STAM2: variants seen among roughly 807,000 people sequenced by gnomAD.
The protein encoded by STAM2 is signal transducing adaptor molecule 2.
In STAM2, 51 loss-of-function variants were observed where a neutral mutation model predicts 65.6. That is an observed-to-expected ratio of 0.78 (90% confidence interval 0.62 to 0.98). The LOEUF is 0.98. Among genes scored for constraint, STAM2 ranks in the 50% least tolerant of loss-of-function variants. The pLI, the probability that STAM2 is intolerant of heterozygous loss-of-function variation, is 0.00. For synonymous variants in STAM2, 198 were observed against 208.4 expected (o/e 0.95, Z 0.43); for missense variants, 584 against 617.8 (o/e 0.95, Z 0.58).
intron 1 of STAM2, 85 bp from the exon 2 acceptor site, chr2:152,150,314 T>C: frequency 1.2e-6 from 1 of 832,602 alleles, no homozygotes; most frequent in Non-Finnish European, 1.9e-6. Flanking sequence ...AGTTAAGAAA[T>C]CCTACCTTTT....
chr2:152,136,351 G>A (rs1302166017), intron 7 of STAM2, among the ~76,000 whole-genome samples: 1 of 151,778 alleles, frequency 6.6e-6, no homozygotes, highest in East Asian at 2.0e-4. Flanking sequence ...GCTGACGCAG[G>A]AGAATCGCTT....
intron 1 of STAM2, among the ~76,000 whole-genome samples, chr2:152,165,081 G>A (rs1483012862): frequency 2.6e-5 from 4 of 152,076 alleles, no homozygotes; most frequent in African/African-American, 9.7e-5. Context: ...ATTGTAATAG[G>A]CCTATTAGGA....
intron 1 of STAM2, among the ~76,000 whole-genome samples, chr2:152,169,808 G>C (rs1386709923): frequency 6.6e-6 from 1 of 151,810 alleles, no homozygotes; most frequent in African/African-American, 2.4e-5. Flanking sequence ...ACTGCTGACA[G>C]GAGGGAAATC....
At chr2:152,127,556 C>A (rs1012556792) in intron 11 of STAM2, among the ~76,000 whole-genome samples, 1 of 151,196 alleles carries the variant, frequency 6.6e-6, no homozygotes, top group Non-Finnish European at 1.5e-5. Context: ...AAAAACCACA[C>A]ACACACATTT....
intron 1 of STAM2, among the ~76,000 whole-genome samples, chr2:152,161,883 C>T (rs1426729273): frequency 6.6e-6 from 1 of 151,824 alleles, no homozygotes; most frequent in Non-Finnish European, 1.5e-5. Flanking sequence ...AGTGAAATGG[C>T]ACGATCTTGG....
At chr2:152,125,673 T>C (rs1231243379) in intron 12 of STAM2, among the ~76,000 whole-genome samples, 1 of 152,228 alleles carries the variant, frequency 6.6e-6, no homozygotes, top group African/African-American at 2.4e-5. Flanking sequence ...ATCTTTGCTA[T>C]GCACAGATTT....
intron 8 of STAM2, among the ~76,000 whole-genome samples, chr2:152,135,302 G>A (rs1309638770): frequency 1.3e-5 from 2 of 152,220 alleles, no homozygotes; most frequent in Non-Finnish European, 2.9e-5. Flanking sequence ...CTCAGAGGAT[G>A]TAAAATAAGA....
chr2:152,170,831 G>A (rs962786876), intron 1 of STAM2, among the ~76,000 whole-genome samples: 1 of 152,088 alleles, frequency 6.6e-6, no homozygotes, highest in African/African-American at 2.4e-5. Flanking sequence ...TCCCATCTCT[G>A]CTAAAAAATG....
chr2:152,171,080 A>G (rs925420991), intron 1 of STAM2, among the ~76,000 whole-genome samples: 6 of 152,210 alleles, frequency 3.9e-5, no homozygotes, highest in African/African-American at 1.4e-4. Context: ...TCCAAACAAT[A>G]TATAGTATAT....
chr2:152,141,732 A>G (rs973337011), intron 7 of STAM2, among the ~76,000 whole-genome samples: 86 of 151,586 alleles, frequency 5.7e-4, no homozygotes, highest in African/African-American at 2.0e-3. Flanking sequence ...CTGGGACTAC[A>G]GGCGTGCGCC....
chr2:152,153,919 C>T (rs1039252741), intron 1 of STAM2, among the ~76,000 whole-genome samples: 6 of 150,232 alleles, frequency 4.0e-5, no homozygotes, highest in African/African-American at 7.4e-5. Flanking sequence ...CACACACACA[C>T]GCAAAAATAA....
At chr2:152,151,221 A>T (rs1366446102) in intron 1 of STAM2, among the ~76,000 whole-genome samples, 4 of 139,226 alleles carry the variant, frequency 2.9e-5, no homozygotes, top group African/African-American at 1.1e-4. Flanking sequence ...TCTGTTGCCC[A>T]GGCTGGCTGG....
intron 1 of STAM2, among the ~76,000 whole-genome samples, chr2:152,165,920 A>G (rs1689773702): frequency 6.6e-6 from 1 of 152,198 alleles, no homozygotes; most frequent in Non-Finnish European, 1.5e-5. Flanking sequence ...ACTACAATGA[A>G]GGCCGGGCAC....
At chr2:152,159,191 C>G (rs1689612540) in intron 1 of STAM2, among the ~76,000 whole-genome samples, 1 of 149,716 alleles carries the variant, frequency 6.7e-6, no homozygotes, top group Admixed American at 6.7e-5. Flanking sequence ...CTGTAGTCCC[C>G]ACTACTTGAG....
At chr2:152,157,149 G>A (rs959296034) in intron 1 of STAM2, among the ~76,000 whole-genome samples, 6 of 152,104 alleles carry the variant, frequency 3.9e-5, no homozygotes, top group Admixed American at 2.0e-4. Flanking sequence ...CAAGAAGAGC[G>A]AGAGATGGCG....
At position 152,130,725 on chromosome 2, in the gene STAM2, G is replaced by A. The variant is rs560354399; in HGVS notation, c.1025+1389C>T. 2.6e-5 allele frequency among the ~76,000 whole-genome samples: 4 copies of A among 151,670 alleles called. No homozygotes were observed. The South Asian group carries it at 8.3e-4, about 32-fold the overall frequency. ...AAAAAAGCTGGGCATAAGGCTGGGT[G>A]CAGTGGCTCACACCTGTAATCCCAA... is the stretch of plus-strand genomic sequence containing the variant. On this transcript the variant is annotated intron_variant, in intron 11 of 13. Coordinates refer to ENST00000263904, the MANE Select transcript of STAM2 (RefSeq NM_005843.6).
At position 152,126,262 on chromosome 2, in the gene STAM2, T is replaced by C; in HGVS notation, c.1143A>G (p.Ala381=). ...YSVYSKLHPP[A]HYPPASSGVP... is the part of the protein sequence containing the mutation. Reference sequence around the variant, plus strand: ...CCCCAGATGATGCAGGTGGGTAATGTGCTGGAGGGTGGAGCTTTGAATAGA... The same window carrying C: ...CCCCAGATGATGCAGGTGGGTAATGCGCTGGAGGGTGGAGCTTTGAATAGA... The change falls in exon 12 of 14, where the codon GCA becomes GCG. Residue 381 remains alanine, a synonymous_variant. Transcript: ENST00000263904. 2 of 1,610,984 alleles carry C rather than the reference T, an allele frequency of 1.2e-6. No individual in the cohort carries two copies. The highest frequency in any genetic ancestry group is 1.7e-4 in the Middle Eastern group (1 of 6,044).
intron 1 of STAM2, among the ~76,000 whole-genome samples, chr2:152,167,020 C>T (rs1175391291): frequency 6.6e-6 from 1 of 152,196 alleles, no homozygotes; most frequent in Non-Finnish European, 1.5e-5. Context: ...TTTCATCCAA[C>T]TGCTATCATT....
At chr2:152,132,242 A>T in intron 10 of STAM2, 74 bp from the exon 11 acceptor site, 1 of 1,055,408 alleles carries the variant, frequency 9.5e-7, no homozygotes, top group Non-Finnish European at 1.4e-6. Context: ...TTTTAACAAT[A>T]TAGCACCAAT....
Sources: allele counts gnomAD v4.1 joint callset (sites outside exome capture counted in the v4.1 genomes callset), GRCh38; gene constraint gnomAD v4.1.1; transcripts MANE v1.5; gene names NCBI Gene and HGNC (gene_info 2026-07-23, HGNC 2026-07-21).